KIAA1328: variants seen among roughly 807,000 people sequenced by gnomAD.
KIAA1328 encodes the protein KIAA1328, also known as protein hinderin.
A neutral mutation model predicts 68.1 loss-of-function variants in KIAA1328; 52 were observed. The ratio of observed to expected loss-of-function variants is 0.76; its 90% confidence interval spans 0.61 to 0.96. The LOEUF is 0.96. Ranked by LOEUF, KIAA1328 falls within the 40% of genes least tolerant of loss-of-function variation. The pLI is 0.00. For synonymous variants in KIAA1328, 232 were observed against 239.4 expected (o/e 0.97, Z 0.28); for missense variants, 641 against 677.6 (o/e 0.95, Z 0.60).
At chr18:37,170,334 C>T (rs549176605) in intron 8 of KIAA1328, among the ~76,000 whole-genome samples, 24 of 152,234 alleles carry the variant, frequency 1.6e-4, no homozygotes, top group African/African-American at 5.8e-4. Context: ...TGATATTGGA[C>T]ATGCTGCTTG....
intron 7 of KIAA1328, among the ~76,000 whole-genome samples, chr18:37,146,426 CT>C (rs1202809335): frequency 1.3e-5 from 2 of 152,140 alleles, no homozygotes; most frequent in African/African-American, 4.8e-5. Context: ...TGATCTTCTT[CT>C]TTTTATTGCT....
intron 6 of KIAA1328, among the ~76,000 whole-genome samples, chr18:37,018,791 T>C (rs1055983812): frequency 5.3e-5 from 8 of 152,194 alleles, no homozygotes; most frequent in Non-Finnish European, 1.2e-4. Flanking sequence ...TGAATGATTT[T>C]TTTTTTAATG....
intron 8 of KIAA1328, among the ~76,000 whole-genome samples, chr18:37,163,452 G>A (rs997355721): frequency 1.3e-5 from 2 of 152,140 alleles, no homozygotes; most frequent in Non-Finnish European, 2.9e-5. Context: ...TTACCTGATG[G>A]TAGAGATTGT....
Position 37,024,624 on chromosome 18 carries a change from G to A in KIAA1328, c.577-42266G>A, listed in dbSNP as rs950019692. 9.3e-5 allele frequency among the ~76,000 whole-genome samples: 14 copies of A among 150,794 alleles called. 1 individual carries two copies. Among genetic ancestry groups the A allele is most frequent in the Admixed American group, 4.7e-4 (7 of 15,050 alleles). ...TTCCCATCTATGAGTGAGAACATGC[G>A]GTGTTTGGTTTTCTGTCCTTGCGAT... On this transcript the variant is annotated intron_variant, in intron 6 of 9. Coordinates refer to ENST00000280020, the MANE Select transcript of KIAA1328 (RefSeq NM_020776.3).
intron 4 of KIAA1328, among the ~76,000 whole-genome samples, chr18:36,866,458 G>T (rs565080814): frequency 5.2e-4 from 79 of 151,900 alleles, no homozygotes; most frequent in African/African-American, 1.9e-3. Context: ...AAGGAAAGTG[G>T]AAAATAAATT....
intron 8 of KIAA1328, among the ~76,000 whole-genome samples, chr18:37,169,170 ATT>A (rs1192375237): frequency 2.3e-5 from 3 of 131,170 alleles, no homozygotes; most frequent in Admixed American, 2.3e-4. Context: ...ATTTATTTAT[ATT>A]TTTTTTTTTT....
At chr18:37,066,802 A>C (rs2056353178) in intron 6 of KIAA1328, 88 bp from the exon 7 acceptor site, 2 of 1,226,710 alleles carry the variant, frequency 1.6e-6, no homozygotes, top group African/African-American at 3.1e-5. Flanking sequence ...GGCTTGGTAA[A>C]TATATATCAC....
intron 6 of KIAA1328, among the ~76,000 whole-genome samples, chr18:37,034,884 A>G (rs1339990024): frequency 6.6e-6 from 1 of 152,232 alleles, no homozygotes; most frequent in Non-Finnish European, 1.5e-5. Flanking sequence ...GACTAAAGGT[A>G]CATTGAAAAG....
At chr18:36,959,204 T>C (rs2051549967) in intron 5 of KIAA1328, 104 bp from the exon 6 acceptor site, 4 of 1,078,436 alleles carry the variant, frequency 3.7e-6, no homozygotes, top group Non-Finnish European at 3.9e-6. Context: ...CCAAATATGA[T>C]TGCATTTCTG....
chr18:36,979,747 C>T (rs753390383), intron 6 of KIAA1328, among the ~76,000 whole-genome samples: 31 of 152,022 alleles, frequency 2.0e-4, no homozygotes, highest in Non-Finnish European at 3.4e-4. Flanking sequence ...TTCAGAGTTG[C>T]AAAGGAAGAC....
At chr18:36,891,771 A>G (rs1340651838) in intron 5 of KIAA1328, among the ~76,000 whole-genome samples, 3 of 152,146 alleles carry the variant, frequency 2.0e-5, no homozygotes, top group East Asian at 3.9e-4. Context: ...ATAAACATCC[A>G]TGTGCATGTG....
At chr18:37,166,635 G>C (rs1161094373) in intron 8 of KIAA1328, among the ~76,000 whole-genome samples, 1 of 152,096 alleles carries the variant, frequency 6.6e-6, no homozygotes, top group African/African-American at 2.4e-5. Flanking sequence ...AGCAGACCCT[G>C]TTCTCAAGGG....
intron 6 of KIAA1328, among the ~76,000 whole-genome samples, chr18:36,960,265 G>A (rs1346782583): frequency 2.6e-5 from 4 of 152,158 alleles, no homozygotes; most frequent in South Asian, 2.1e-4. Context: ...GAGGGGCGTC[G>A]ACCATTGCTG....
intron 9 of KIAA1328, chr18:37,193,517 G>C (rs1369992242): frequency 1.5e-6 from 1 of 668,276 alleles, no homozygotes; most frequent in African/African-American, 1.8e-5. Context: ...TACAGTTTCA[G>C]AATTTCAGAT....
At chr18:36,845,115 T>A (rs965986520) in intron 4 of KIAA1328, among the ~76,000 whole-genome samples, 1 of 151,700 alleles carries the variant, frequency 6.6e-6, no homozygotes, top group African/African-American at 2.4e-5. Context: ...AGTCATACAA[T>A]CATGGGTATC....
At chr18:36,874,207 A>G (rs969028743) in intron 4 of KIAA1328, among the ~76,000 whole-genome samples, 7 of 152,186 alleles carry the variant, frequency 4.6e-5, no homozygotes, top group Admixed American at 3.3e-4. Context: ...ATACCCAGTA[A>G]TGGGATTGCT....
intron 7 of KIAA1328, among the ~76,000 whole-genome samples, chr18:37,084,819 A>C (rs1404791672): frequency 6.6e-6 from 1 of 152,200 alleles, no homozygotes; most frequent in Non-Finnish European, 1.5e-5. Flanking sequence ...TCTTTTTACG[A>C]TCCTTGATTC....
intron 7 of KIAA1328, among the ~76,000 whole-genome samples, chr18:37,070,798 G>A (rs1433546548): frequency 6.6e-6 from 1 of 151,820 alleles, no homozygotes; most frequent in Non-Finnish European, 1.5e-5. Context: ...GGCTGGTCTC[G>A]AACTGCTAAC....
chr18:36,909,639 G>A (rs1182286633), intron 5 of KIAA1328, among the ~76,000 whole-genome samples: 1 of 152,050 alleles, frequency 6.6e-6, no homozygotes, highest in Admixed American at 6.6e-5. Context: ...TAATCCTTTG[G>A]GTATATACCC....
Sources: gnomAD v4.1 joint callset for allele counts (sites outside exome capture counted in the v4.1 genomes callset) on GRCh38, gnomAD v4.1.1 for gene constraint, MANE v1.5 for transcripts, NCBI Gene and HGNC (gene_info 2026-07-23, HGNC 2026-07-21) for gene names.